The following SEC14L1 variants were observed in gnomAD, a reference collection of about 807,000 sequenced individuals.
SEC14L1 encodes SEC14-like protein 1.
In SEC14L1, 48 loss-of-function variants were observed where a neutral mutation model predicts 85.3. The observed-to-expected ratio is 0.56, with a 90% CI of 0.45 to 0.72. The LOEUF is 0.72. Ranked by LOEUF, SEC14L1 falls within the 30% of genes least tolerant of loss-of-function variation. The probability of loss-of-function intolerance (pLI) is 0.00; values close to 1 mark genes in which losing one functional copy is unlikely to be tolerated. For synonymous variants in SEC14L1, 391 were observed against 355.5 expected, an observed-to-expected ratio of 1.10 and a Z score of -1.12; for missense variants, 682 against 921.4, an observed-to-expected ratio of 0.74 and a Z score of 3.36.
chr17:77,134,072 G>T (rs1307305882), intron 3 of SEC14L1, among the ~76,000 whole-genome samples: 1 of 152,070 alleles, frequency 6.6e-6, no homozygotes, highest in Non-Finnish European at 1.5e-5. Flanking sequence ...AAGGGCAGCA[G>T]CCTTCTCTTT....
chr17:77,179,124 G>A (rs572166681), intron 3 of SEC14L1, among the ~76,000 whole-genome samples: 3 of 152,182 alleles, frequency 2.0e-5, no homozygotes, highest in Non-Finnish European at 2.9e-5. Context: ...AAGAAGCTCC[G>A]ATGGGTTGAT....
At chr17:77,202,909 A>ACT (rs1216195914) in intron 9 of SEC14L1, among the ~76,000 whole-genome samples, 11 of 148,690 alleles carry the variant, frequency 7.4e-5, no homozygotes, top group Non-Finnish European at 1.6e-4. Flanking sequence ...ACAGGGAGAG[A>ACT]CTCTCTCTCT....
chr17:77,148,662 C>T (rs1183942283), intron 3 of SEC14L1, among the ~76,000 whole-genome samples: 1 of 152,162 alleles, frequency 6.6e-6, no homozygotes, highest in Non-Finnish European at 1.5e-5. Context: ...CCTGTCTGTC[C>T]CAGCACTGCC....
chr17:77,210,655 T>C (rs894198154), intron 14 of SEC14L1: 2 of 152,226 alleles, frequency 1.3e-5, no homozygotes, highest in African/African-American at 4.8e-5. Context: ...GCCTTACTTG[T>C]AGATACATAC....
chr17:77,197,302 G>A (rs1489066952), intron 8 of SEC14L1, among the ~76,000 whole-genome samples: 5 of 152,314 alleles, frequency 3.3e-5, no homozygotes, highest in African/African-American at 4.8e-5. Context: ...CTTGGTCCAC[G>A]TGACACTCGG....
intron 5 of SEC14L1, among the ~76,000 whole-genome samples, chr17:77,192,054 C>T (rs531363423): frequency 1.3e-5 from 2 of 152,302 alleles, no homozygotes; most frequent in East Asian, 3.9e-4. Context: ...CTCGTCCTCC[C>T]AAAATGCTGG....
intron 3 of SEC14L1, among the ~76,000 whole-genome samples, chr17:77,181,475 C>G (rs995518469): frequency 2.0e-5 from 3 of 152,358 alleles, no homozygotes; most frequent in Non-Finnish European, 4.4e-5. Flanking sequence ...TGCAATGGCA[C>G]AATCTCAGCT....
intron 3 of SEC14L1, among the ~76,000 whole-genome samples, 155 bp from the exon 4 acceptor site, chr17:77,190,648 T>A (rs911405743): frequency 1.3e-5 from 2 of 152,212 alleles, no homozygotes; most frequent in Non-Finnish European, 2.9e-5. Context: ...GGAGTGTCTT[T>A]TTCTTCTTTA....
At position 77,206,932 on chromosome 17, in the gene SEC14L1, A is replaced by C. The variant is rs1976491006; in HGVS notation, c.1476+70A>C. The C allele has an allele frequency of 7.2e-7, 1 of 1,393,532 alleles. No individual in the cohort carries two copies. The highest frequency in any genetic ancestry group is 1.7e-5 in the South Asian group (1 of 57,976). 86.3% of individuals were successfully genotyped at this position (1,393,532 alleles called of 1,614,324 possible). ...GTGGGAGAGGTCGGTGTCGATTTGC[A>C]CAAATGATTTTCAGAACTTCCAGTT... On this transcript the variant is annotated intron_variant, in intron 13 of 16. Transcript: ENST00000436233. This position sits in a 1 kb window ranked among gnomAD's most constrained non-coding sequence, Gnocchi z 4.3.
At chr17:77,091,416 T>TA (rs1287288446) in intron 2 of SEC14L1, among the ~76,000 whole-genome samples, 3 of 152,102 alleles carry the variant, frequency 2.0e-5, no homozygotes, top group Non-Finnish European at 4.4e-5. Flanking sequence ...AAGAGGATGA[T>TA]ACAGACAAAT....
chr17:77,179,496 A>G (rs1264113209), intron 3 of SEC14L1, among the ~76,000 whole-genome samples: 6 of 152,118 alleles, frequency 3.9e-5, no homozygotes, highest in Non-Finnish European at 7.4e-5. Flanking sequence ...CTATCATGAT[A>G]CTTTTTCCTT....
rs752469017 is a variant in SEC14L1 at position 77,194,628 on chromosome 17, A to T, written c.475-49A>T. 46 of 1,427,432 alleles carry T rather than the reference A, an allele frequency of 3.2e-5. 1 individual carries two copies. In the Middle Eastern group the frequency reaches 5.0e-3, roughly 155 times the overall value. 88.4% of individuals were successfully genotyped at this position (1,427,432 alleles called of 1,614,324 possible). A position where few individuals can be genotyped will look rare whatever the true frequency, so the allele number is the denominator to read the frequency against. On this transcript the variant is annotated intron_variant, in intron 6 of 16. Coordinates refer to ENST00000436233, the MANE Select transcript of SEC14L1 (RefSeq NM_001143998.2). Reference sequence around the variant, plus strand: ...AGAAAAATCTTGGGAGAGATGAGTAATTTGAATGTTGAATATATACTCACC... The same window carrying T: ...AGAAAAATCTTGGGAGAGATGAGTATTTTGAATGTTGAATATATACTCACC...
At chr17:77,151,010 C>T (rs972478129) in intron 3 of SEC14L1, among the ~76,000 whole-genome samples, 2 of 152,140 alleles carry the variant, frequency 1.3e-5, no homozygotes, top group African/African-American at 4.8e-5. Context: ...ATTTCTGATT[C>T]TGGTTTTTTT....
intron 3 of SEC14L1, among the ~76,000 whole-genome samples, chr17:77,104,906 G>T (rs185208615): frequency 3.5e-4 from 53 of 151,998 alleles, no homozygotes; most frequent in African/African-American, 1.3e-3. Context: ...GGTGGTCAGG[G>T]CACAGCTTGG....
At chr17:77,129,142 C>T (rs148195896) in intron 3 of SEC14L1, among the ~76,000 whole-genome samples, 6 of 152,078 alleles carry the variant, frequency 3.9e-5, no homozygotes, top group African/African-American at 7.2e-5. Flanking sequence ...CAGAACATTC[C>T]GGAGGCAAAG....
chr17:77,107,809 G>A (rs549453330), intron 3 of SEC14L1, among the ~76,000 whole-genome samples: 11 of 152,348 alleles, frequency 7.2e-5, no homozygotes, highest in Non-Finnish European at 1.5e-4. Context: ...CTTGGAGCTT[G>A]CTGACACTAT....
chr17:77,125,605 C>A (rs754580052), intron 3 of SEC14L1, among the ~76,000 whole-genome samples: 2 of 152,106 alleles, frequency 1.3e-5, no homozygotes, highest in Non-Finnish European at 2.9e-5. Context: ...ACTGCTATAC[C>A]GGGACCATAT....
At chr17:77,156,107 C>G (rs1436976077) in intron 3 of SEC14L1, among the ~76,000 whole-genome samples, 1 of 152,176 alleles carries the variant, frequency 6.6e-6, no homozygotes, top group African/African-American at 2.4e-5. Flanking sequence ...CCTGCTTTCT[C>G]ACCTGGCTGA....
In SEC14L1 at chr17:77,213,801, A is replaced by T; in HGVS notation, c.2043-117A>T. ...GTCCATCCCCCGTTTGCAAGCACTGATGGGGATGAGAAGTGAGCAGAGAAC... is the reference window on the plus strand; with the variant it reads ...GTCCATCCCCCGTTTGCAAGCACTGTTGGGGATGAGAAGTGAGCAGAGAAC... On this transcript the variant is annotated intron_variant, in intron 16 of 16. Transcript: ENST00000436233. This position sits in a 1 kb window ranked among gnomAD's most constrained non-coding sequence, Gnocchi z 7.1. 7.6e-7 allele frequency: 1 copy of T among 1,308,850 alleles called. No homozygotes were observed. Among genetic ancestry groups the T allele is most frequent in the Non-Finnish European group, 1.1e-6 (1 of 911,556 alleles). 81.1% of individuals were successfully genotyped at this position (1,308,850 alleles called of 1,614,324 possible). A position where few individuals can be genotyped will look rare whatever the true frequency, so the allele number is the denominator to read the frequency against.
Sources: allele counts gnomAD v4.1 joint callset (sites outside exome capture counted in the v4.1 genomes callset), GRCh38; gene constraint gnomAD v4.1.1; non-coding constraint Gnocchi (gnomAD v3.1); transcripts MANE v1.5; gene names NCBI Gene and HGNC (gene_info 2026-07-23, HGNC 2026-07-21).